Variants in IMMP2L observed in about 807,000 individuals in gnomAD.
IMMP2L encodes mitochondrial inner membrane protease subunit 2.
IMMP2L carries 18 observed loss-of-function variants against 19.3 expected under a neutral mutation model. The ratio of observed to expected loss-of-function variants is 0.93; its 90% CI spans 0.64 to 1.38. IMMP2L has a LOEUF of 1.38. Ranked by LOEUF, IMMP2L falls within the 40% of genes most tolerant of loss-of-function variation. The pLI is 0.00. For missense variants in IMMP2L, 233 were observed against 218.2 expected (o/e 1.07, Z -0.43); for synonymous variants, 76 against 73.0 (o/e 1.04, Z -0.21).
chr7:111,232,560 C>G (rs1402918768), intron 3 of IMMP2L, among the ~76,000 whole-genome samples: 1 of 151,892 alleles, frequency 6.6e-6, no homozygotes, highest in Non-Finnish European at 1.5e-5. Context: ...TTGTTAACTT[C>G]TTTTTTGTTA....
chr7:111,337,080 C>T (rs3779460), intron 3 of IMMP2L, among the ~76,000 whole-genome samples: 4,708 of 151,958 alleles, frequency 0.031, 171 homozygotes, highest in East Asian at 0.2. Context: ...TCTGAATATT[C>T]GGCCTTCAGA....
chr7:111,269,575 A>G (rs967343630), intron 3 of IMMP2L, among the ~76,000 whole-genome samples: 3 of 152,182 alleles, frequency 2.0e-5, no homozygotes, highest in African/African-American at 7.2e-5. Context: ...CACTATGAAT[A>G]CAGTATTTTC....
At chr7:111,361,005 T>C (rs1173020585) in intron 3 of IMMP2L, among the ~76,000 whole-genome samples, 1 of 152,106 alleles carries the variant, frequency 6.6e-6, no homozygotes, top group Non-Finnish European at 1.5e-5. Flanking sequence ...ATGCTAAATA[T>C]TGATGAAACT....
At chr7:111,525,586 G>C (rs1177364567) in intron 1 of IMMP2L, among the ~76,000 whole-genome samples, 1 of 151,940 alleles carries the variant, frequency 6.6e-6, no homozygotes, top group Non-Finnish European at 1.5e-5. Context: ...TAGTGGAGAT[G>C]GATTAAAATG....
intron 5 of IMMP2L, among the ~76,000 whole-genome samples, chr7:110,716,893 G>C (rs1174785270): frequency 6.6e-6 from 1 of 152,032 alleles, no homozygotes; most frequent in Non-Finnish European, 1.5e-5. Context: ...GCAATTCTCA[G>C]GTTTCTAATA....
Position 110,757,205 on chromosome 7 carries a change from G to A in IMMP2L, c.409-93484C>T, listed in dbSNP as rs989303633. On this transcript the variant is annotated intron_variant, in intron 5 of 5. Transcript: ENST00000405709. The surrounding 1 kb of genome is among the most constrained non-coding windows in gnomAD (Gnocchi z 4.2). ...GAGGGAATCCAGTGTTGGAGGCAAG[G>A]GGTGAAATCAGGGCTGGCTTCACGG... 6.6e-6 allele frequency among the ~76,000 whole-genome samples: 1 copy of A among 151,998 alleles called. No homozygotes were observed. Among genetic ancestry groups the A allele is most frequent in the Non-Finnish European group, 1.5e-5 (1 of 67,986 alleles).
intron 2 of IMMP2L, among the ~76,000 whole-genome samples, chr7:111,518,801 T>C (rs529172506): frequency 3.3e-5 from 5 of 152,264 alleles, no homozygotes; most frequent in South Asian, 2.1e-4. Context: ...TCATGAAATA[T>C]AGATCCAATT....
chr7:111,109,100 G>T (rs1798881950), intron 3 of IMMP2L, among the ~76,000 whole-genome samples: 1 of 152,120 alleles, frequency 6.6e-6, no homozygotes, highest in African/African-American at 2.4e-5. Context: ...GACTTTAGGG[G>T]ATATTTTAAG....
chr7:110,757,311 G>C lies in IMMP2L; in HGVS notation c.409-93590C>G, dbSNP rs1428569338. ...GTTTAATACTCACCATCACCATCTAGAGCTTAATAATTTTTTAACAAGCTA... is the reference window on the plus strand; with the variant it reads ...GTTTAATACTCACCATCACCATCTACAGCTTAATAATTTTTTAACAAGCTA... On this transcript the variant is annotated intron_variant, in intron 5 of 5. Transcript: ENST00000405709. The surrounding 1 kb of genome is among the most constrained non-coding windows in gnomAD (Gnocchi z 4.2). 2.4e-5 allele frequency among the ~76,000 whole-genome samples: 1 copy of C among 42,502 alleles called. No homozygotes were observed. Among genetic ancestry groups the C allele is most frequent in the African/African-American group, 5.3e-5 (1 of 18,890 alleles). 27.9% of individuals were successfully genotyped at this position (42,502 alleles called of 152,430 possible). A position where few individuals can be genotyped will look rare whatever the true frequency, so the allele number is the denominator to read the frequency against.
At chr7:110,980,397 T>G (rs1315551765) in intron 3 of IMMP2L, among the ~76,000 whole-genome samples, 1 of 151,576 alleles carries the variant, frequency 6.6e-6, no homozygotes, top group East Asian at 1.9e-4. Context: ...CCTGGCTAAT[T>G]TTTTGTATTT....
At chr7:110,930,803 T>A (rs1302366127) in intron 4 of IMMP2L, among the ~76,000 whole-genome samples, 1 of 152,212 alleles carries the variant, frequency 6.6e-6, no homozygotes, top group South Asian at 2.1e-4. Context: ...AACTTTATTA[T>A]TTAGTTATTA....
chr7:111,142,210 C>A (rs1398086470), intron 3 of IMMP2L, among the ~76,000 whole-genome samples: 2 of 151,658 alleles, frequency 1.3e-5, no homozygotes, highest in Non-Finnish European at 2.9e-5. Context: ...CCTGTAATCC[C>A]AGCTACTCAG....
At chr7:111,301,921 TAAAAAAAAAAAAAAAAA>T (rs59156229) in intron 3 of IMMP2L, among the ~76,000 whole-genome samples, 8 of 83,156 alleles carry the variant, frequency 9.6e-5, no homozygotes, top group Non-Finnish European at 1.5e-4. Flanking sequence ...TTTCATGCTT[TAAAAAAAAAAAAAAAAA>T]AAAAAAAAAA....
At chr7:110,979,695 A>C (rs1821061155) in intron 3 of IMMP2L, among the ~76,000 whole-genome samples, 1 of 152,010 alleles carries the variant, frequency 6.6e-6, no homozygotes, top group Non-Finnish European at 1.5e-5. Context: ...TAAAAAACAA[A>C]ACAAAAACAA....
chr7:110,887,791 G>A (rs530853215), intron 4 of IMMP2L, among the ~76,000 whole-genome samples: 29 of 151,374 alleles, frequency 1.9e-4, no homozygotes, highest in African/African-American at 7.0e-4. Context: ...AAAACGCCTG[G>A]CCTAAAGAAG....
At chr7:111,204,377 G>A (rs1196254625) in intron 3 of IMMP2L, among the ~76,000 whole-genome samples, 1 of 151,994 alleles carries the variant, frequency 6.6e-6, no homozygotes, top group South Asian at 2.1e-4. Context: ...ATAAAACCTA[G>A]AGCATATCAT....
chr7:111,054,067 G>A (rs1453070491), intron 3 of IMMP2L, among the ~76,000 whole-genome samples: 4 of 151,948 alleles, frequency 2.6e-5, no homozygotes, highest in African/African-American at 9.7e-5. Context: ...GGGTCACTAG[G>A]GAAAGAAGCA....
chr7:110,889,049 C>G (rs1320754931), intron 4 of IMMP2L, among the ~76,000 whole-genome samples: 1 of 152,184 alleles, frequency 6.6e-6, no homozygotes, highest in African/African-American at 2.4e-5. Context: ...CGATTACTCA[C>G]AAGTAATCTT....
intron 5 of IMMP2L, among the ~76,000 whole-genome samples, chr7:110,754,001 C>T (rs998123044): frequency 5.9e-5 from 9 of 151,962 alleles, no homozygotes; most frequent in African/African-American, 2.2e-4. Flanking sequence ...TTTCTTTCTA[C>T]AAAATCTGCA....
Sources: gnomAD v4.1 joint callset for allele counts (sites outside exome capture counted in the v4.1 genomes callset) on GRCh38, gnomAD v4.1.1 for gene constraint, Gnocchi (gnomAD v3.1) non-coding constraint, MANE v1.5 for transcripts, NCBI Gene and HGNC (gene_info 2026-07-23, HGNC 2026-07-21) for gene names.